Variants in AGO4 observed in about 807,000 individuals in gnomAD.
AGO4 encodes protein argonaute-4.
In AGO4, 33 loss-of-function variants were observed where a neutral mutation model predicts 104.7. The observed-to-expected ratio is 0.32, with a 90% CI of 0.24 to 0.42. The LOEUF (loss-of-function observed/expected upper bound fraction) is 0.42. AGO4 is among the 10% of genes least tolerant of loss of function. AGO4 has a pLI of 1.00. For missense variants in AGO4, 711 were observed against 1,083.4 expected, an observed-to-expected ratio of 0.66 and a Z score of 4.83; for synonymous variants, 331 against 364.7, an observed-to-expected ratio of 0.91 and a Z score of 1.05.
chr1:35,857,513 AT>A lies in AGO4; in HGVS notation c.*3909del, dbSNP rs1188578758. Reference sequence around the variant, plus strand: ...TTGGACTGGATGTATGTCTCTAGCAATACGAGGTACTTTCTAAACTATTAAG... The same window carrying A: ...TTGGACTGGATGTATGTCTCTAGCAAACGAGGTACTTTCTAAACTATTAAG... On this transcript the variant is annotated 3_prime_UTR_variant, in exon 18 of 18. Transcript: ENST00000373210. The A allele has an allele frequency of 2.0e-5, 3 of 152,220 alleles. No homozygotes were observed. In the East Asian group the frequency reaches 5.8e-4, roughly 29 times the overall value. The allele number at this position is 152,220 out of a possible 1,614,324, so 9.4% of individuals were successfully genotyped here. A position where few individuals can be genotyped will look rare whatever the true frequency, so the allele number is the denominator to read the frequency against.
chr1:35,833,871 A>T, intron 11 of AGO4, 119 bp from the exon 12 acceptor site: 1 of 866,878 alleles, frequency 1.2e-6, no homozygotes, highest in Non-Finnish European at 1.6e-6. Flanking sequence ...TTATTTGTTT[A>T]CTTGTTTCTA....
At chr1:35,812,559 A>C (rs77679912) in intron 1 of AGO4, among the ~76,000 whole-genome samples, 2,305 of 152,278 alleles carry the variant, frequency 0.015, 40 homozygotes, top group Non-Finnish European at 0.021. Flanking sequence ...TTCTGTTTTC[A>C]AATTTCTATT....
intron 16 of AGO4, 70 bp downstream of exon 16, chr1:35,850,328 G>A: frequency 8.6e-7 from 1 of 1,162,922 alleles, no homozygotes; most frequent in South Asian, 1.2e-5. Context: ...ACTAGCTTGA[G>A]TCGACTTGTT....
At chr1:35,851,581 A>G (rs772238369) in intron 17 of AGO4, among the ~76,000 whole-genome samples, 2 of 152,226 alleles carry the variant, frequency 1.3e-5, no homozygotes, top group Non-Finnish European at 2.9e-5. Context: ...CTGAGCTACT[A>G]TTAAATAGTT....
chr1:35,819,208 T>C (rs929168532), intron 2 of AGO4, among the ~76,000 whole-genome samples: 1 of 152,118 alleles, frequency 6.6e-6, no homozygotes, highest in Admixed American at 6.6e-5. Flanking sequence ...TTGTCATTTA[T>C]CAGATGGGGA....
chr1:35,822,320 A>G (rs1643903986), intron 2 of AGO4, among the ~76,000 whole-genome samples: 1 of 152,066 alleles, frequency 6.6e-6, no homozygotes, highest in Non-Finnish European at 1.5e-5. Context: ...CAATGGCACG[A>G]TCTTGGTTCA....
At chr1:35,816,550 C>T (rs1260600497) in intron 1 of AGO4, among the ~76,000 whole-genome samples, 1 of 152,014 alleles carries the variant, frequency 6.6e-6, no homozygotes, top group African/African-American at 2.4e-5. Flanking sequence ...CCTGTAATCC[C>T]AGCACTTTGG....
At position 35,841,513 on chromosome 1, in the gene AGO4, C is replaced by T. The variant is rs1557575343; in HGVS notation, c.2040+33C>T. On this transcript the variant is annotated intron_variant, in intron 14 of 17. Transcript: ENST00000373210. The surrounding 1 kb of genome is among the most constrained non-coding windows in gnomAD (Gnocchi z 4.7). ...CATTATCCCTGTTGCCCTTCGGGGC[C>T]CCTAGGAGTCTGAGGGAGATTCCTC... is the stretch of plus-strand genomic sequence containing the variant. 3 of 1,608,524 alleles carry T rather than the reference C, an allele frequency of 1.9e-6. No individual in the cohort carries two copies. The highest frequency in any genetic ancestry group is 2.6e-6 in the Non-Finnish European group (3 of 1,175,840).
At chr1:35,834,222 T>TA in intron 12 of AGO4, 48 bp downstream of exon 12, 1 of 1,427,728 alleles carries the variant, frequency 7.0e-7, no homozygotes, top group East Asian at 2.6e-5. Context: ...AAGCAGTAGA[T>TA]ATAACAGTCA....
At chr1:35,844,178 A>G (rs543128793) in intron 15 of AGO4, among the ~76,000 whole-genome samples, 1 of 152,162 alleles carries the variant, frequency 6.6e-6, no homozygotes, top group Admixed American at 6.5e-5. Flanking sequence ...AGTAGCTGGG[A>G]CTACAGGCAC....
At position 35,834,122 on chromosome 1, in the gene AGO4, T is replaced by C. The variant is rs777619296; in HGVS notation, c.1512T>C (p.Tyr504=). Residue 504 remains tyrosine, a synonymous_variant, in exon 12 of 18, where the codon TAT becomes TAC. Coordinates refer to ENST00000373210, the MANE Select transcript of AGO4 (RefSeq NM_017629.4). ...EPMFKHLKMT[Y]VGLQLIVVIL... is the part of the protein sequence containing the mutation. The stretch of plus-strand genomic sequence containing the variant: ...TGTTTAAACATCTGAAAATGACTTA[T>C]GTGGGCCTACAGCTAATAGTGGTTA... 17 of 1,610,662 alleles carry C rather than the reference T, an allele frequency of 1.1e-5. No individual in the cohort carries two copies. In the African/African-American group the frequency reaches 1.6e-4, roughly 15 times the overall value.
chr1:35,818,543 G>A (rs538982286), intron 2 of AGO4, among the ~76,000 whole-genome samples: 12 of 152,138 alleles, frequency 7.9e-5, no homozygotes, highest in African/African-American at 2.9e-4. Flanking sequence ...AGAATCACTT[G>A]AATCTGGGAG....
At chr1:35,818,649 GAAAGA>G (rs760587145) in intron 2 of AGO4, among the ~76,000 whole-genome samples, 6,704 of 113,628 alleles carry the variant, frequency 0.059, 192 homozygotes, top group African/African-American at 0.076. Context: ...AAGAAAGAAA[GAAAGA>G]AAGAAAGGAA....
upstream of AGO4, among the ~76,000 whole-genome samples, chr1:35,807,956 G>A (rs1000076412): frequency 6.6e-6 from 1 of 151,712 alleles, no homozygotes; most frequent in Non-Finnish European, 1.5e-5. Context: ...GGGGCAGAGC[G>A]GGCCAGCGGG....
chr1:35,835,704 A>G, intron 12 of AGO4, 130 bp from the exon 13 acceptor site: 2 of 694,794 alleles, frequency 2.9e-6, no homozygotes, highest in Non-Finnish European at 4.2e-6. Flanking sequence ...AGGAAGACAC[A>G]TGAGAAGCAT....
chr1:35,812,780 C>T (rs1335900962), intron 1 of AGO4, among the ~76,000 whole-genome samples: 2 of 151,792 alleles, frequency 1.3e-5, no homozygotes, highest in South Asian at 2.1e-4. Context: ...TTAGTAGAGA[C>T]GGTGTTTTGC....
In AGO4 at chr1:35,854,226, T is replaced by G. The variant is rs1183315686; in HGVS notation, c.*621T>G. On this transcript the variant is annotated 3_prime_UTR_variant, in exon 18 of 18. Coordinates refer to ENST00000373210, the MANE Select transcript of AGO4 (RefSeq NM_017629.4). Reference sequence around the variant, plus strand: ...GTGCAAGTACATGCTGACAGGCAATTTGCACTATATTTGGCTGCAGATTCA... The same window carrying G: ...GTGCAAGTACATGCTGACAGGCAATGTGCACTATATTTGGCTGCAGATTCA... The G allele has an allele frequency of 6.6e-6, 1 of 152,654 alleles. No homozygotes were observed. Among genetic ancestry groups the G allele is most frequent in the African/African-American group, 2.4e-5 (1 of 41,460 alleles). 9.5% of individuals were successfully genotyped at this position (152,654 alleles called of 1,614,324 possible).
At chr1:35,833,663 A>G (rs1490342552) in intron 11 of AGO4, among the ~76,000 whole-genome samples, 1 of 152,230 alleles carries the variant, frequency 6.6e-6, no homozygotes, top group Admixed American at 6.5e-5. Context: ...TCTTCAGTCC[A>G]GAATTATTGA....
rs780467402 is a variant in AGO4 at position 35,816,986 on chromosome 1, A to G, written c.124A>G (p.Ile42Val). Residue 42 changes from isoleucine (I) to valine (V), a missense_variant, in exon 2 of 18, where the codon ATA (isoleucine) becomes GTA (valine). This residue lies in a region of AGO4 where 308 missense variants were observed against 397.8 expected (regional missense o/e 0.77). Coordinates refer to ENST00000373210, the MANE Select transcript of AGO4 (RefSeq NM_017629.4). ...ANHFQVQIPK[I>V]DVYHYDVDIK... ...TCATTTTCAGGTTCAGATTCCTAAA[A>G]TAGATGTGTATCACTATGATGTGGA... The G allele has an allele frequency of 1.9e-6, 3 of 1,613,994 alleles. No homozygotes were observed. Among genetic ancestry groups the G allele is most frequent in the African/African-American group, 2.7e-5 (2 of 74,924 alleles).
Sources: allele counts gnomAD v4.1 joint callset (sites outside exome capture counted in the v4.1 genomes callset), GRCh38; gene constraint gnomAD v4.1.1; regional missense constraint gnomAD v4.1.1; non-coding constraint Gnocchi (gnomAD v3.1); transcripts MANE v1.5; gene names NCBI Gene and HGNC (gene_info 2026-07-23, HGNC 2026-07-21).